ZNF638: variants seen among roughly 807,000 people sequenced by gnomAD.
ZNF638 encodes zinc finger protein 638.
ZNF638 carries 46 observed loss-of-function variants against 195.6 expected under a neutral mutation model. The ratio of observed to expected loss-of-function variants is 0.24; its 90% CI spans 0.19 to 0.30. The LOEUF is 0.30. ZNF638 is among the 10% of genes least tolerant of loss of function. The pLI, the probability that ZNF638 is intolerant of heterozygous loss-of-function variation, is 1.00. For synonymous variants in ZNF638, 845 were observed against 772.0 expected, an observed-to-expected ratio of 1.09 and a Z score of -1.57; for missense variants, 2,440 against 2,325.3, an observed-to-expected ratio of 1.05 and a Z score of -1.01.
chr2:71,362,162 A>T (rs1382612041), intron 3 of ZNF638, among the ~76,000 whole-genome samples: 1 of 152,092 alleles, frequency 6.6e-6, no homozygotes, highest in Admixed American at 6.5e-5. Context: ...TGTTTCTCCT[A>T]CTAGTTTTTC....
intron 2 of ZNF638, among the ~76,000 whole-genome samples, chr2:71,351,123 G>T (rs942432383): frequency 1.3e-5 from 2 of 152,136 alleles, no homozygotes; most frequent in Admixed American, 6.5e-5. Context: ...ATTGTAAAGG[G>T]TCAGAAGAGA....
chr2:71,369,904 A>G lies in ZNF638; in HGVS notation c.2164A>G (p.Lys722Glu). ...TTAGGCTTACCTAGAAATGGAATTT[A>G]AAGAGGCAATTACTGCAATTATGAA... is the stretch of plus-strand genomic sequence containing the variant. ...RKEAYLEMEF[K>E]EAITAIMKYI... The change falls in exon 8 of 28, where the codon AAA becomes GAA. Residue 722 changes from lysine to glutamate, a missense_variant. This residue lies in a region of ZNF638 where 1,883 missense variants were observed against 1,739.1 expected (regional missense o/e 1.08). Transcript: ENST00000264447. 1 of 1,586,066 alleles carries G rather than the reference A, an allele frequency of 6.3e-7. No individual in the cohort carries two copies. The highest frequency in any genetic ancestry group is 8.5e-7 in the Non-Finnish European group (1 of 1,171,308).
In ZNF638 at chr2:71,369,322, C is replaced by CAA. The variant is rs34506232; in HGVS notation, c.2143-542_2143-541dup. ...TGGGCAACAGAGTAAGGCTCCGTCT[C>CAA]AAAAAAAAAAAAAAAAAAAAGTTTT... On this transcript the variant is annotated intron_variant, in intron 7 of 27. Coordinates refer to ENST00000264447, the MANE Select transcript of ZNF638 (RefSeq NM_014497.5). Among the ~76,000 whole-genome samples, 628 of 98,990 alleles carry CAA rather than the reference C, an allele frequency of 6.3e-3. 1 individual carries two copies. The highest frequency in any genetic ancestry group is 0.011 in the East Asian group (39 of 3,676). The allele number at this position is 98,990 out of a possible 152,430, so 64.9% of individuals were successfully genotyped here.
intron 10 of ZNF638, among the ~76,000 whole-genome samples, chr2:71,383,744 CT>C (rs911748490): frequency 2.9e-4 from 27 of 92,528 alleles, no homozygotes; most frequent in Admixed American, 5.4e-4. Flanking sequence ...GCTAATTTTT[CT>C]TTTTTTTTTT....
Position 71,336,372 on chromosome 2 carries a change from CAAAAAAA to C in ZNF638, c.-203+4519_-203+4525del, listed in dbSNP as rs66593443. 5.7e-5 allele frequency among the ~76,000 whole-genome samples: 6 copies of C among 105,540 alleles called. No individual in the cohort carries two copies. The East Asian group carries it at 1.2e-3, about 21-fold the overall frequency. The allele number at this position is 105,540 out of a possible 152,430, so 69.2% of individuals were successfully genotyped here. A position where few individuals can be genotyped will look rare whatever the true frequency, so the allele number is the denominator to read the frequency against. On this transcript the variant is annotated intron_variant, in intron 1 of 27. Coordinates refer to ENST00000264447, the MANE Select transcript of ZNF638 (RefSeq NM_014497.5). ...GGCAACAAGAGTGAAATTCCATCTC[CAAAAAAA>C]AAAAAAAAAAAAAAAAAAAAACCAA...
Position 71,406,239 on chromosome 2 carries a change from G to A in ZNF638, c.3112G>A (p.Val1038Ile). 6.2e-7 allele frequency: 1 copy of A among 1,612,190 alleles called. No individual in the cohort carries two copies. The highest frequency in any genetic ancestry group is 8.5e-7 in the Non-Finnish European group (1 of 1,178,350). Residue 1038 changes from valine (V) to isoleucine (I), a missense_variant, in exon 19 of 28, where the codon GTA (valine) becomes ATA (isoleucine). Physicochemically the swap from Val to Ile is conservative, Grantham distance 29. Transcript: ENST00000264447. ...TCAGTTTGGAAAAGTGGATCACCAT[G>A]TATTCATAAGTAATAGAAACAAGGT... ...GLQFGKVDHH[V>I]FISNRNKAIL...
At chr2:71,334,359 A>C (rs111249428) in intron 1 of ZNF638, 71 of 152,344 alleles carry the variant, frequency 4.7e-4, no homozygotes, top group African/African-American at 1.7e-3. Flanking sequence ...GCTGTTTTGC[A>C]AGGAAACAGG....
intron 10 of ZNF638, 87 bp from the exon 11 acceptor site, chr2:71,396,054 T>C (rs574170491): frequency 3.2e-6 from 4 of 1,262,466 alleles, no homozygotes; most frequent in Non-Finnish European, 4.6e-6. Flanking sequence ...CAGGGTTCTT[T>C]CGAAATTATT....
At chr2:71,417,221 G>T (rs1166145727) in intron 20 of ZNF638, among the ~76,000 whole-genome samples, 2 of 151,722 alleles carry the variant, frequency 1.3e-5, no homozygotes, top group Non-Finnish European at 2.9e-5. Context: ...CAATATTCGG[G>T]TGGGAGTGAC....
chr2:71,414,058 A>G (rs1371506071), intron 20 of ZNF638, among the ~76,000 whole-genome samples: 1 of 142,326 alleles, frequency 7.0e-6, no homozygotes, highest in Non-Finnish European at 1.5e-5. Context: ...GAATGGTACC[A>G]GTTCCTCCTT....
chr2:71,380,390 TAA>T (rs1473113599), intron 9 of ZNF638, 110 bp downstream of exon 9: 30 of 1,103,684 alleles, frequency 2.7e-5, no homozygotes, highest in African/African-American at 1.6e-4. Flanking sequence ...AACTATAGTT[TAA>T]GAGGGATATC....
chr2:71,404,802 A>T (rs942841768), intron 17 of ZNF638, among the ~76,000 whole-genome samples: 2 of 152,070 alleles, frequency 1.3e-5, no homozygotes, highest in Admixed American at 6.6e-5. Flanking sequence ...AGTTTTATAA[A>T]ACTCCTTTGA....
At chr2:71,342,536 A>G (rs982901760) in intron 1 of ZNF638, among the ~76,000 whole-genome samples, 6 of 152,220 alleles carry the variant, frequency 3.9e-5, no homozygotes, top group African/African-American at 1.4e-4. Context: ...GAATCTACAT[A>G]GGTAACTGTA....
intron 14 of ZNF638, 50 bp downstream of exon 14, chr2:71,400,230 T>C: frequency 1.4e-6 from 2 of 1,404,526 alleles, no homozygotes; most frequent in Non-Finnish European, 2.0e-6. Context: ...TAATTACCAA[T>C]GCCATACCTA....
chr2:71,398,728 T>C lies in ZNF638; in HGVS notation c.2456T>C (p.Val819Ala). 6.2e-7 allele frequency: 1 copy of C among 1,613,444 alleles called. No homozygotes were observed. Among genetic ancestry groups the C allele is most frequent in the African/African-American group, 1.3e-5 (1 of 75,008 alleles). ...AAATCAGCAAGTTCTGTAAAATCTG[T>C]GGTAACGGTAGCTGTTAAAGGTAAT... ...TGKSASSVKS[V>A]VTVAVKGNKA... The change falls in exon 12 of 28, where the codon GTG (valine) becomes GCG (alanine). Residue 819 changes from valine to alanine, a missense_variant. By Grantham distance (64) the Val-to-Ala change is moderately conservative. This residue lies in a region of ZNF638 where 1,883 missense variants were observed against 1,739.1 expected (regional missense o/e 1.08). Coordinates refer to ENST00000264447, the MANE Select transcript of ZNF638 (RefSeq NM_014497.5).
At position 71,431,053 on chromosome 2, in the gene ZNF638, A is replaced by G. The variant is rs532127111; in HGVS notation, c.5651-274A>G. 216 of 271,852 alleles carry G rather than the reference A, an allele frequency of 7.9e-4. 2 individuals are homozygous for G. The highest frequency in any genetic ancestry group is 4.7e-3 in the African/African-American group (213 of 45,266). 16.8% of individuals were successfully genotyped at this position (271,852 alleles called of 1,614,324 possible). A position where few individuals can be genotyped will look rare whatever the true frequency, so the allele number is the denominator to read the frequency against. ...TATAAGTTCTCTTGCCAGTAATGAT[A>G]GGACTTGTATTACTTCGTTAAATTC... On this transcript the variant is annotated intron_variant, in intron 25 of 27. Transcript: ENST00000264447.
At chr2:71,417,185 C>T (rs958515343) in intron 20 of ZNF638, among the ~76,000 whole-genome samples, 14 of 151,698 alleles carry the variant, frequency 9.2e-5, no homozygotes, top group Non-Finnish European at 1.6e-4. Context: ...CGTGGTGTGC[C>T]GTTTCTTAAG....
rs1407788457 is a variant in ZNF638, at chr2:71,400,186, T to C, written c.2656+6T>C. 6.3e-7 allele frequency: 1 copy of C among 1,598,268 alleles called. No individual in the cohort carries two copies. The highest frequency in any genetic ancestry group is 8.5e-7 in the Non-Finnish European group (1 of 1,172,610). On this transcript the variant is annotated splice_donor_region_variant and intron_variant, in intron 14 of 27. Transcript: ENST00000264447. ...TGCTAAAGAAGCTATTTCTGGTAGG[T>C]CAATAGAAATTTTATTTTGTTCTTT...
chr2:71,418,920 A>T (rs1477490886), intron 21 of ZNF638, among the ~76,000 whole-genome samples: 1 of 152,222 alleles, frequency 6.6e-6, no homozygotes, highest in Non-Finnish European at 1.5e-5. Context: ...AAAATGTTTT[A>T]AGACTCTCGA....
Sources: allele counts gnomAD v4.1 joint callset (sites outside exome capture counted in the v4.1 genomes callset), GRCh38; gene constraint gnomAD v4.1.1; regional missense constraint gnomAD v4.1.1; transcripts MANE v1.5; gene names NCBI Gene and HGNC (gene_info 2026-07-23, HGNC 2026-07-21).